ABI3BP: variants seen among roughly 807,000 people sequenced by gnomAD.
ABI3BP encodes the protein ABI family member 3 binding protein, also known as target of Nesh-SH3.
ABI3BP carries 216 observed loss-of-function variants against 268.6 expected under a neutral mutation model. The ratio of observed to expected loss-of-function variants is 0.80; its 90% confidence interval spans 0.72 to 0.90. The LOEUF is 0.90. Ranked by LOEUF, ABI3BP falls within the 40% of genes least tolerant of loss-of-function variation. ABI3BP has a pLI of 0.00. For missense variants in ABI3BP, 2,090 were observed against 2,182.4 expected, an observed-to-expected ratio of 0.96 and a Z score of 0.84; for synonymous variants, 730 against 730.0, an observed-to-expected ratio of 1.00 and a Z score of 0.00.
intron 61 of ABI3BP, among the ~76,000 whole-genome samples, chr3:100,772,774 C>T (rs1466055573): frequency 1.3e-5 from 2 of 152,040 alleles, no homozygotes; most frequent in Non-Finnish European, 2.9e-5. Context: ...ATGTAAGGTT[C>T]TACACACCCA....
chr3:100,865,504 T>G (rs1474271862), intron 10 of ABI3BP, among the ~76,000 whole-genome samples: 1 of 152,152 alleles, frequency 6.6e-6, no homozygotes, highest in East Asian at 1.9e-4. Context: ...AAAAGCTCAA[T>G]TAAAAAGCTC....
intron 4 of ABI3BP, among the ~76,000 whole-genome samples, chr3:100,889,887 C>T (rs2043721616): frequency 6.6e-6 from 1 of 152,090 alleles, no homozygotes; most frequent in Admixed American, 6.6e-5. Context: ...GTAGCATGAC[C>T]TTGGGAGGGG....
At chr3:100,911,172 TG>T in intron 2 of ABI3BP, 1 of 399,414 alleles carries the variant, frequency 2.5e-6, no homozygotes. Context: ...TAATCATTTG[TG>T]GTCTACTAGC....
intron 2 of ABI3BP, among the ~76,000 whole-genome samples, chr3:100,903,604 A>G (rs1277087868): frequency 2.0e-5 from 3 of 152,234 alleles, no homozygotes; most frequent in Non-Finnish European, 4.4e-5. Context: ...ATTCACAGCT[A>G]CTTACTCAGG....
chr3:100,784,882 G>A (rs910685831), intron 57 of ABI3BP, among the ~76,000 whole-genome samples: 2 of 152,088 alleles, frequency 1.3e-5, no homozygotes, highest in South Asian at 4.1e-4. Context: ...AGACCCAGAA[G>A]GGGGAGGGTG....
At chr3:100,856,936 G>C (rs2098946956) in intron 14 of ABI3BP, among the ~76,000 whole-genome samples, 1 of 152,158 alleles carries the variant, frequency 6.6e-6, no homozygotes, top group Admixed American at 6.5e-5. Context: ...GGACCTCAGA[G>C]CCCAGTTTAT....
intron 6 of ABI3BP, among the ~76,000 whole-genome samples, chr3:100,879,604 A>ATG (rs1409986872): frequency 1.3e-5 from 2 of 152,232 alleles, no homozygotes; most frequent in Non-Finnish European, 2.9e-5. Flanking sequence ...CTTCACATGA[A>ATG]TGGAACAACG....
At chr3:100,894,955 A>AAAAAAAAACAAAAACAAC (rs2046791207) in intron 4 of ABI3BP, among the ~76,000 whole-genome samples, 9 of 143,712 alleles carry the variant, frequency 6.3e-5, no homozygotes, top group Non-Finnish European at 9.2e-5. Flanking sequence ...AAAAAAAAAA[A>AAAAAAAAACAAAAACAAC]AAAAAAAAAA....
intron 51 of ABI3BP, 45 bp downstream of exon 51, chr3:100,804,747 G>T: frequency 6.5e-7 from 1 of 1,527,106 alleles, no homozygotes; most frequent in Non-Finnish European, 9.1e-7. Context: ...AAGCAGAGTG[G>T]GACAGTAGAA....
At position 100,822,605 on chromosome 3, in the gene ABI3BP, T is replaced by A; in HGVS notation, c.2871A>T (p.Ala957=). The change falls in exon 38 of 68, where the codon GCA becomes GCT. Residue 957 remains alanine (A), a synonymous_variant. Coordinates refer to ENST00000471714, the MANE Select transcript of ABI3BP (RefSeq NM_001375547.2). ...ATAGTTTACCTGGTTTGGATTCAGG[T>A]GCTTCAGGACGTGGTGTGGTTTTTG... ...LRTKTTPRPE[A]PESKPVPTAE... The A allele has an allele frequency of 6.5e-7, 1 of 1,536,526 alleles. No homozygotes were observed. Among genetic ancestry groups the A allele is most frequent in the Non-Finnish European group, 8.7e-7 (1 of 1,146,914 alleles).
intron 28 of ABI3BP, 73 bp downstream of exon 28, chr3:100,835,528 G>A (rs767494473): frequency 4.3e-5 from 51 of 1,173,766 alleles, no homozygotes; most frequent in East Asian, 2.6e-5. Context: ...AAAACCCTTA[G>A]CCCAAATAGT....
intron 1 of ABI3BP, chr3:100,930,652 A>G (rs2063313468): frequency 6.6e-6 from 1 of 152,100 alleles, no homozygotes; most frequent in African/African-American, 2.4e-5. Flanking sequence ...AACCAGGAAG[A>G]AACTGAAATC....
intron 59 of ABI3BP, 46 bp downstream of exon 59, chr3:100,778,238 A>G: frequency 6.3e-7 from 1 of 1,589,010 alleles, no homozygotes; most frequent in Non-Finnish European, 8.6e-7. Context: ...GTTGGCTAGT[A>G]AAACCGAAAT....
intron 62 of ABI3BP, among the ~76,000 whole-genome samples, chr3:100,768,684 T>C (rs1273888147): frequency 6.6e-6 from 1 of 152,212 alleles, no homozygotes; most frequent in African/African-American, 2.4e-5. Context: ...TCAGGATAAA[T>C]TGATAACAAT....
intron 14 of ABI3BP, among the ~76,000 whole-genome samples, chr3:100,856,843 AT>A (rs372349572): frequency 2.6e-5 from 4 of 152,194 alleles, no homozygotes; most frequent in South Asian, 2.1e-4. Context: ...AATACATGGC[AT>A]TTATGCTGCT....
At chr3:100,857,817 G>A (rs1353392515) in intron 14 of ABI3BP, among the ~76,000 whole-genome samples, 1 of 152,166 alleles carries the variant, frequency 6.6e-6, no homozygotes, top group Non-Finnish European at 1.5e-5. Context: ...AGTTTCTAGG[G>A]ACTTTGGAAG....
At chr3:100,922,969 T>A (rs904164242) in intron 2 of ABI3BP, among the ~76,000 whole-genome samples, 1 of 152,118 alleles carries the variant, frequency 6.6e-6, no homozygotes, top group Non-Finnish European at 1.5e-5. Flanking sequence ...GGAACAAAAG[T>A]TCATTTTTGA....
intron 1 of ABI3BP, among the ~76,000 whole-genome samples, chr3:100,953,009 T>C (rs2075633187): frequency 6.6e-6 from 1 of 152,204 alleles, no homozygotes; most frequent in African/African-American, 2.4e-5. Context: ...CTTCTAAAAC[T>C]TCATCCTGCA....
intron 2 of ABI3BP, chr3:100,911,591 T>C (rs1038295684): frequency 1.5e-6 from 1 of 671,220 alleles, no homozygotes; most frequent in Middle Eastern, 4.3e-4. Context: ...CTTCAAAAAA[T>C]TTAGAGCTGT....
Sources: gnomAD v4.1 joint callset for allele counts (sites outside exome capture counted in the v4.1 genomes callset) on GRCh38, gnomAD v4.1.1 for gene constraint, MANE v1.5 for transcripts, NCBI Gene and HGNC (gene_info 2026-07-23, HGNC 2026-07-21) for gene names.